The following IRAG2 variants were observed in gnomAD, a reference collection of about 807,000 sequenced individuals.
IRAG2 encodes lymphoid restricted membrane protein.
A neutral mutation model predicts 69.9 loss-of-function variants in IRAG2; 45 were observed. The ratio of observed to expected loss-of-function variants is 0.64; its 90% CI spans 0.51 to 0.83. The LOEUF (loss-of-function observed/expected upper bound fraction) is 0.83. Ranked by LOEUF, IRAG2 falls within the 40% of genes least tolerant of loss-of-function variation. IRAG2 has a pLI of 0.00. For synonymous variants in IRAG2, 193 were observed against 202.4 expected (o/e 0.95, Z 0.40); for missense variants, 520 against 587.0 (o/e 0.89, Z 1.18).
rs559446458 is a variant in IRAG2 at position 25,054,438 on chromosome 12, T to C, written c.-447+1482T>C. Among the ~76,000 whole-genome samples, 22 of 152,330 alleles carry C rather than the reference T, an allele frequency of 1.4e-4. No individual in the cohort carries two copies. In the South Asian group the frequency reaches 4.3e-3, roughly 30 times the overall value. On this transcript the variant is annotated intron_variant, in intron 1 of 21. Transcript: ENST00000556887. ...GTTTTATAAACTACTAAGAATTTGT[T>C]CCCCTTCCTCACTGTGATTTTCTTG... is the stretch of plus-strand genomic sequence containing the variant.
chr12:25,079,201 A>G (rs751538865), intron 6 of IRAG2, 43 bp from the exon 7 acceptor site: 86 of 1,605,482 alleles, frequency 5.4e-5, no homozygotes, highest in Non-Finnish European at 7.2e-5. Flanking sequence ...GGAATGGAAA[A>G]TGTCAAATTG....
At chr12:25,106,918 T>G in intron 20 of IRAG2, 25 bp from the exon 21 acceptor site, 4 of 1,184,950 alleles carry the variant, frequency 3.4e-6, no homozygotes, top group Non-Finnish European at 4.8e-6. Flanking sequence ...TAGTTTCAAA[T>G]ATTAAAAACA....
In IRAG2 at chr12:25,061,626, A is replaced by AGGG. The variant is rs1945644431; in HGVS notation, c.-410_-408dup. 1 of 398,494 alleles carries AGGG rather than the reference A, an allele frequency of 2.5e-6. No individual in the cohort carries two copies. The highest frequency in any genetic ancestry group is 2.1e-5 in the African/African-American group (1 of 48,646). 24.7% of individuals were successfully genotyped at this position (398,494 alleles called of 1,614,324 possible). A position where few individuals can be genotyped will look rare whatever the true frequency, so the allele number is the denominator to read the frequency against. On this transcript the variant is annotated 5_prime_UTR_variant, in exon 2 of 22. Transcript: ENST00000556887. ...AGTCACTTCAAAAGGAGTTCATTGA[A>AGGG]GGGGAACACCATGGCTTGCTGTTTC...
At chr12:25,069,800 C>T (rs1051508508) in intron 6 of IRAG2, among the ~76,000 whole-genome samples, 16 of 152,230 alleles carry the variant, frequency 1.1e-4, no homozygotes, top group South Asian at 4.2e-4. Context: ...GAATTGAGGT[C>T]GAGGCTGGAT....
intron 6 of IRAG2, among the ~76,000 whole-genome samples, chr12:25,078,808 T>C (rs1183271947): frequency 6.6e-6 from 1 of 152,156 alleles, no homozygotes; most frequent in Non-Finnish European, 1.5e-5. Flanking sequence ...AAATGCATGA[T>C]TTTTCTAGCT....
upstream of IRAG2, chr12:25,052,430 G>GAAA: frequency 2.5e-6 from 1 of 393,266 alleles, no homozygotes; most frequent in Non-Finnish European, 4.5e-6. Flanking sequence ...AATGGAGGAG[G>GAAA]AACAACAACA....
intron 3 of IRAG2, 68 bp downstream of exon 3, chr12:25,062,968 G>C (rs768051805): frequency 3.5e-5 from 14 of 398,482 alleles, no homozygotes; most frequent in Admixed American, 8.8e-5. Context: ...GTAATAGAAA[G>C]CTAAATCCAG....
chr12:25,080,355 C>CTTT (rs558659761), intron 9 of IRAG2, among the ~76,000 whole-genome samples: 1,921 of 141,028 alleles, frequency 0.014, 56 homozygotes, highest in African/African-American at 0.048. Flanking sequence ...TTTCTTTTAT[C>CTTT]TTTTTTTTTT....
intron 14 of IRAG2, among the ~76,000 whole-genome samples, chr12:25,095,885 A>G (rs781516472): frequency 2.0e-5 from 3 of 152,212 alleles, no homozygotes; most frequent in African/African-American, 2.4e-5. Context: ...TTTGCTAACA[A>G]TTAACATCTG....
chr12:25,071,790 G>GT (rs1226309453), intron 6 of IRAG2, among the ~76,000 whole-genome samples: 2 of 144,384 alleles, frequency 1.4e-5, no homozygotes, highest in East Asian at 2.0e-4. Context: ...TACCTTGAAA[G>GT]TATTTTTTTT....
intron 19 of IRAG2, 79 bp from the exon 20 acceptor site, chr12:25,104,282 A>T: frequency 9.8e-7 from 1 of 1,019,750 alleles, no homozygotes; most frequent in South Asian, 1.3e-5. Context: ...TTTTGTATTT[A>T]CTTAAGCAGT....
chr12:25,040,196 G>A (rs1255683848), intron 16 of IRAG2, among the ~76,000 whole-genome samples: 1 of 152,236 alleles, frequency 6.6e-6, no homozygotes, highest in Non-Finnish European at 1.5e-5. Flanking sequence ...AAAATAATTT[G>A]ACTGTGGATT....
chr12:25,023,943 C>G, intron 8 of IRAG2: 1 of 1,183,418 alleles, frequency 8.5e-7, no homozygotes, highest in Non-Finnish European at 1.1e-6. Context: ...TCGTTAAACA[C>G]TGGCATAGAC....
At chr12:25,077,889 G>A (rs1017814877) in intron 6 of IRAG2, among the ~76,000 whole-genome samples, 2 of 152,156 alleles carry the variant, frequency 1.3e-5, no homozygotes, top group South Asian at 2.1e-4. Flanking sequence ...TTGCAAGTTC[G>A]ATTGTAGATT....
At chr12:25,074,170 C>T (rs1275406644) in intron 6 of IRAG2, among the ~76,000 whole-genome samples, 1 of 152,210 alleles carries the variant, frequency 6.6e-6, no homozygotes, top group Non-Finnish European at 1.5e-5. Flanking sequence ...CAAATAAACA[C>T]ACACAAATAC....
At chr12:25,021,006 T>A in intron 7 of IRAG2, 1 of 507,484 alleles carries the variant, frequency 2.0e-6, no homozygotes, top group African/African-American at 2.0e-5. Context: ...GTCAATATCC[T>A]GATGAATGAA....
chr12:25,033,279 A>G (rs1483845404), intron 12 of IRAG2, among the ~76,000 whole-genome samples: 2 of 152,112 alleles, frequency 1.3e-5, no homozygotes, highest in African/African-American at 4.8e-5. Context: ...GAATGTAAGC[A>G]TGGCACCTTG....
intron 16 of IRAG2, among the ~76,000 whole-genome samples, chr12:25,042,069 C>T (rs890845511): frequency 3.3e-5 from 5 of 151,706 alleles, no homozygotes; most frequent in African/African-American, 1.2e-4. Context: ...GACTTAGGAA[C>T]TATTGCTGCA....
chr12:25,080,543 G>A (rs535385277), intron 9 of IRAG2, among the ~76,000 whole-genome samples: 7 of 151,948 alleles, frequency 4.6e-5, no homozygotes, highest in South Asian at 2.1e-4. Flanking sequence ...TAGTAGAGAC[G>A]GAGTTTCACC....
Sources: gnomAD v4.1 joint callset for allele counts (sites outside exome capture counted in the v4.1 genomes callset) on GRCh38, gnomAD v4.1.1 for gene constraint, MANE v1.5 for transcripts, NCBI Gene and HGNC (gene_info 2026-07-23, HGNC 2026-07-21) for gene names.